Variants in MYO18B observed in about 807,000 individuals in gnomAD.
The protein encoded by MYO18B is myosin XVIIIB, also known as unconventional myosin-XVIIIb.
In MYO18B, 204 loss-of-function variants were observed where a neutral mutation model predicts 273.0. The observed-to-expected ratio is 0.75, with a 90% CI of 0.67 to 0.84. The LOEUF (loss-of-function observed/expected upper bound fraction) is 0.84, where lower values mean the gene tolerates loss of function less well. MYO18B is among the 40% of genes least tolerant of loss of function. The probability of loss-of-function intolerance (pLI) is 0.00; values close to 1 mark genes in which losing one functional copy is unlikely to be tolerated. For synonymous variants in MYO18B, 1,330 were observed against 1,305.7 expected (o/e 1.02, Z -0.40); for missense variants, 3,212 against 3,287.6 (o/e 0.98, Z 0.56).
At chr22:26,011,457 A>G (rs934731669) in intron 42 of MYO18B, among the ~76,000 whole-genome samples, 9 of 152,224 alleles carry the variant, frequency 5.9e-5, no homozygotes, top group Non-Finnish European at 1.3e-4. Context: ...TACCTGAAGC[A>G]GGAGAATGAG....
At chr22:26,038,202 T>C in the MYO18B span, among the ~76,000 whole-genome samples, 1 of 152,182 alleles carries the variant, frequency 6.6e-6, no homozygotes, top group East Asian at 1.9e-4. Flanking sequence ...TGTAAATAAC[T>C]AGGGTGCACT....
At chr22:26,062,828 C>T in the MYO18B span, among the ~76,000 whole-genome samples, 2 of 152,254 alleles carry the variant, frequency 1.3e-5, no homozygotes, top group Middle Eastern at 6.8e-3. Flanking sequence ...CTGTCCCAAC[C>T]ACTCAAGGTC....
chr22:25,935,818 C>T (rs189688893), intron 34 of MYO18B, among the ~76,000 whole-genome samples: 24 of 152,316 alleles, frequency 1.6e-4, no homozygotes, highest in Admixed American at 1.4e-3. Flanking sequence ...TTCCTGTGGA[C>T]ACTGTGGGTA....
chr22:25,768,387 G>A lies in MYO18B; in HGVS notation c.471G>A (p.Val157=), dbSNP rs780913179. The A allele has an allele frequency of 2.9e-5, 47 of 1,613,874 alleles. No homozygotes were observed. The Middle Eastern group carries it at 5.8e-3, about 198-fold the overall frequency. The change falls in exon 4 of 44, where the codon GTG becomes GTA. Residue 157 remains valine (V), a synonymous_variant. Coordinates refer to ENST00000335473, the MANE Select transcript of MYO18B (RefSeq NM_032608.7). ...GVRRGDVLLM[V]AKLDPDSAKP... ...GGAGGGGTGATGTGTTGTTGATGGTGGCCAAGCTGGACCCGGACTCAGCCA... is the reference window on the plus strand; with the variant it reads ...GGAGGGGTGATGTGTTGTTGATGGTAGCCAAGCTGGACCCGGACTCAGCCA...
chr22:25,809,729 C>G (rs1040740058), intron 12 of MYO18B, among the ~76,000 whole-genome samples: 3 of 152,068 alleles, frequency 2.0e-5, no homozygotes. Flanking sequence ...GGCCCAGTCC[C>G]ACACAGAACT....
At chr22:25,885,329 C>T (rs2091464336) in intron 25 of MYO18B, among the ~76,000 whole-genome samples, 1 of 152,100 alleles carries the variant, frequency 6.6e-6, no homozygotes, top group African/African-American at 2.4e-5. Flanking sequence ...TGATTTGAAC[C>T]CAGGGCTGGT....
chr22:25,746,939 G>A (rs1343122924), intron 1 of MYO18B, among the ~76,000 whole-genome samples: 1 of 152,106 alleles, frequency 6.6e-6, no homozygotes, highest in East Asian at 1.9e-4. Context: ...GGCTAACACG[G>A]TGAAACCCCG....
intron 40 of MYO18B, among the ~76,000 whole-genome samples, chr22:25,997,978 C>CACACGAGAGAGAGAGA (rs34431605): frequency 2.3e-4 from 33 of 144,550 alleles, no homozygotes; most frequent in African/African-American, 5.8e-4. Flanking sequence ...CACACACACA[C>CACACGAGAGAGAGAGA]GAGAGAGAGA....
intron 19 of MYO18B, among the ~76,000 whole-genome samples, chr22:25,846,705 A>G (rs1050195110): frequency 2.0e-5 from 3 of 152,240 alleles, no homozygotes; most frequent in East Asian, 1.9e-4. Flanking sequence ...GAATCCGTGA[A>G]TAAATGAGAA....
intron 34 of MYO18B, among the ~76,000 whole-genome samples, chr22:25,937,783 C>T (rs1192006256): frequency 1.3e-5 from 2 of 152,142 alleles, no homozygotes; most frequent in African/African-American, 4.8e-5. Context: ...TGGGGTTTCT[C>T]CATGTTGGTC....
At chr22:25,885,728 A>G (rs924618862) in intron 25 of MYO18B, among the ~76,000 whole-genome samples, 11 of 152,086 alleles carry the variant, frequency 7.2e-5, no homozygotes, top group African/African-American at 2.4e-4. Flanking sequence ...GGGTGTCATG[A>G]TCTTAGGATT....
the MYO18B span, among the ~76,000 whole-genome samples, chr22:26,036,830 G>A: frequency 1.3e-5 from 2 of 152,208 alleles, no homozygotes; most frequent in African/African-American, 4.8e-5. Flanking sequence ...GGTAAAGTGA[G>A]TCAGTGTCTG....
intron 12 of MYO18B, among the ~76,000 whole-genome samples, chr22:25,803,308 A>G (rs980322593): frequency 6.6e-6 from 1 of 152,050 alleles, no homozygotes; most frequent in Non-Finnish European, 1.5e-5. Flanking sequence ...AGAGTCATCT[A>G]TTTTGTAGGA....
chr22:26,014,093 A>G (rs1036621468), intron 42 of MYO18B, among the ~76,000 whole-genome samples: 15 of 152,022 alleles, frequency 9.9e-5, no homozygotes, highest in African/African-American at 3.4e-4. Context: ...ATCATGCAGT[A>G]TTTTCTTATT....
intron 11 of MYO18B, among the ~76,000 whole-genome samples, chr22:25,789,227 C>T (rs971450612): frequency 3.3e-5 from 5 of 152,040 alleles, no homozygotes; most frequent in Admixed American, 2.0e-4. Context: ...CCTAGCCACT[C>T]AGTTCCCATT....
At position 25,777,897 on chromosome 22, in the gene MYO18B, G is replaced by A. The variant is rs552777678; in HGVS notation, c.2068+116G>A. The A allele has an allele frequency of 3.8e-5, 38 of 1,010,256 alleles. No homozygotes were observed. In the East Asian group the frequency reaches 1.0e-3, roughly 27 times the overall value. 62.6% of individuals were successfully genotyped at this position (1,010,256 alleles called of 1,614,324 possible). A position where few individuals can be genotyped will look rare whatever the true frequency, so the allele number is the denominator to read the frequency against. ...CTAGCATTCACTGAGCACCAGATAT[G>A]TGCAGACCCCATGCTTGCTACTGGG... On this transcript the variant is annotated intron_variant, in intron 8 of 43. Transcript: ENST00000335473.
intron 34 of MYO18B, among the ~76,000 whole-genome samples, chr22:25,931,063 C>T (rs1219314051): frequency 6.6e-6 from 1 of 152,136 alleles, no homozygotes; most frequent in Non-Finnish European, 1.5e-5. Flanking sequence ...TGTGTGTGGG[C>T]ACCTGGGGAA....
intron 8 of MYO18B, 94 bp from the exon 9 acceptor site, chr22:25,779,962 C>T (rs1275170077): frequency 6.9e-7 from 1 of 1,445,212 alleles, no homozygotes; most frequent in East Asian, 2.5e-5. Context: ...GGGACTGGCC[C>T]AAGCAGGGGC....
intron 28 of MYO18B, 69 bp downstream of exon 28, chr22:25,895,349 G>T (rs1312624290): frequency 1.3e-6 from 2 of 1,526,616 alleles, no homozygotes. Context: ...TCCACTGTGG[G>T]TGATCGAGGT....
Sources: gnomAD v4.1 joint callset for allele counts (sites outside exome capture counted in the v4.1 genomes callset) on GRCh38, gnomAD v4.1.1 for gene constraint, MANE v1.5 for transcripts, NCBI Gene and HGNC (gene_info 2026-07-23, HGNC 2026-07-21) for gene names.